The following RPN1 variants were observed in gnomAD, a reference collection of about 807,000 sequenced individuals.
RPN1 encodes ribophorin I.
A neutral mutation model predicts 55.5 loss-of-function variants in RPN1; 12 were observed. That is an observed-to-expected ratio of 0.22 (90% CI 0.14 to 0.35). RPN1 has a LOEUF of 0.35. Ranked by LOEUF, RPN1 falls within the 10% of genes least tolerant of loss-of-function variation. The probability of loss-of-function intolerance (pLI) is 1.00; values close to 1 mark genes in which losing one functional copy is unlikely to be tolerated. For synonymous variants in RPN1, 317 were observed against 305.9 expected, an observed-to-expected ratio of 1.04 and a Z score of -0.38; for missense variants, 679 against 761.3, an observed-to-expected ratio of 0.89 and a Z score of 1.27.
At chr3:128,646,230 A>G (rs2069767065) in intron 1 of RPN1, among the ~76,000 whole-genome samples, 1 of 151,646 alleles carries the variant, frequency 6.6e-6, no homozygotes, top group Non-Finnish European at 1.5e-5. Context: ...CTCAAAAAAA[A>G]AAAAAAAAAA....
At chr3:128,624,741 A>C (rs2069586767) in intron 8 of RPN1, among the ~76,000 whole-genome samples, 1 of 150,742 alleles carries the variant, frequency 6.6e-6, no homozygotes, top group African/African-American at 2.4e-5. Flanking sequence ...CAGGAGGCTG[A>C]GGCAGAATCG....
At chr3:128,644,678 G>C in intron 2 of RPN1, 1 of 640,242 alleles carries the variant, frequency 1.6e-6, no homozygotes, top group Non-Finnish European at 2.9e-6. Context: ...AATCCTCTAG[G>C]ACAGATGCAG....
intron 3 of RPN1, 84 bp downstream of exon 3, chr3:128,637,715 C>G: frequency 7.1e-7 from 1 of 1,417,660 alleles, no homozygotes; most frequent in Non-Finnish European, 9.7e-7. Flanking sequence ...CCACCCCACA[C>G]CACCCAAGCC....
chr3:128,650,781 C>T lies in RPN1; in HGVS notation c.20G>A (p.Gly7Asp). The T allele has an allele frequency of 6.5e-7, 1 of 1,537,418 alleles. No homozygotes were observed. Among genetic ancestry groups the T allele is most frequent in the Non-Finnish European group, 8.8e-7 (1 of 1,139,378 alleles). The change falls in exon 1 of 10, where the codon GGC becomes GAC. Residue 7 changes from glycine to aspartate, a missense_variant. Physicochemically the swap from Gly to Asp is moderately conservative, Grantham distance 94 (BLOSUM62 -1). Coordinates refer to ENST00000296255, the MANE Select transcript of RPN1 (RefSeq NM_002950.4). ...CCCAAGCAACAGGAGCAGAAACAAG[C>T]CGGCGGCTGGCGCCTCCATGACCGG... MEAPAA[G>D]LFLLLLLGTW...
intron 4 of RPN1, among the ~76,000 whole-genome samples, chr3:128,630,928 A>G (rs1247212553): frequency 6.6e-6 from 1 of 150,580 alleles, no homozygotes; most frequent in Non-Finnish European, 1.5e-5. Flanking sequence ...CCTGGCTAAC[A>G]TGGTGAAACC....
At chr3:128,639,879 G>C (rs1185550959) in intron 2 of RPN1, among the ~76,000 whole-genome samples, 1 of 152,152 alleles carries the variant, frequency 6.6e-6, no homozygotes, top group South Asian at 2.1e-4. Flanking sequence ...GAGCCACTGC[G>C]CCAGGCCCTA....
chr3:128,635,145 C>T (rs566706505), intron 3 of RPN1, among the ~76,000 whole-genome samples: 1 of 152,144 alleles, frequency 6.6e-6, no homozygotes, highest in Non-Finnish European at 1.5e-5. Context: ...CAACAATATA[C>T]ATAGGGAGCT....
chr3:128,628,091 C>G (rs2069613505), intron 5 of RPN1, among the ~76,000 whole-genome samples: 1 of 140,694 alleles, frequency 7.1e-6, no homozygotes, highest in Non-Finnish European at 1.6e-5. Context: ...AACCCCATCT[C>G]TACTAAAAAT....
At chr3:128,639,507 T>C (rs2069709219) in intron 2 of RPN1, among the ~76,000 whole-genome samples, 1 of 150,406 alleles carries the variant, frequency 6.6e-6, no homozygotes, top group African/African-American at 2.4e-5. Flanking sequence ...TTTCAAGGAA[T>C]GTTCAACAAA....
chr3:128,635,616 T>TAGATAGATAGATAG (rs1559755764), intron 3 of RPN1, among the ~76,000 whole-genome samples: 9 of 5,860 alleles, frequency 1.5e-3, no homozygotes, highest in African/African-American at 5.8e-3. Context: ...ACTTGAGATA[T>TAGATAGATAGATAG]ATATATATAT....
At chr3:128,646,624 T>C (rs2069770676) in intron 1 of RPN1, among the ~76,000 whole-genome samples, 1 of 151,434 alleles carries the variant, frequency 6.6e-6, no homozygotes, top group African/African-American at 2.4e-5. Context: ...AGGTGGAGGC[T>C]GCAGTGAGCC....
At chr3:128,631,848 A>G (rs2069644397) in intron 4 of RPN1, 100 bp downstream of exon 4, 2 of 1,326,224 alleles carry the variant, frequency 1.5e-6, no homozygotes, top group East Asian at 4.6e-5. Context: ...AGTCAACCCT[A>G]AACAACTGCC....
In RPN1 at chr3:128,630,097, A is replaced by G. The variant is rs1228032632; in HGVS notation, c.890T>C (p.Ile297Thr). ...GAGGTGGCTGGTAGAAACATTGCCA[A>G]TCTCATCCCGGTAATAAACATCCTG... ...AAQDVYYRDE[I>T]GNVSTSHLLI... Residue 297 changes from isoleucine (I) to threonine (T), a missense_variant, in exon 5 of 10, where the codon ATT (isoleucine) becomes ACT (threonine). By Grantham distance (89) the Ile-to-Thr change is moderately conservative. Transcript: ENST00000296255. 22 of 1,613,680 alleles carry G rather than the reference A, an allele frequency of 1.4e-5. No homozygotes were observed. The highest frequency in any genetic ancestry group is 2.2e-5 in the South Asian group (2 of 91,052).
chr3:128,622,537 G>C, intron 8 of RPN1, 128 bp from the exon 9 acceptor site: 2 of 1,188,552 alleles, frequency 1.7e-6, no homozygotes, highest in South Asian at 1.4e-5. Flanking sequence ...GAAAGTCAAA[G>C]TCAAACCCCT....
intron 8 of RPN1, among the ~76,000 whole-genome samples, chr3:128,624,004 C>T (rs555116254): frequency 3.3e-4 from 50 of 151,778 alleles, no homozygotes; most frequent in Admixed American, 2.8e-3. Flanking sequence ...CACACACACA[C>T]GCACACACAC....
intron 8 of RPN1, among the ~76,000 whole-genome samples, chr3:128,623,748 T>C (rs1328829735): frequency 6.6e-6 from 1 of 152,052 alleles, no homozygotes; most frequent in Non-Finnish European, 1.5e-5. Context: ...ATTAACTAAC[T>C]AATGGACAAT....
intron 3 of RPN1, among the ~76,000 whole-genome samples, chr3:128,635,833 C>T (rs1459336645): frequency 1.3e-5 from 2 of 149,750 alleles, no homozygotes; most frequent in Non-Finnish European, 3.0e-5. Context: ...TATATATATG[C>T]ACCTGGCCTT....
At chr3:128,627,082 CAG>C (rs1387956346) in intron 5 of RPN1, 3 of 467,934 alleles carry the variant, frequency 6.4e-6, no homozygotes, top group African/African-American at 5.9e-5. Flanking sequence ...AAGGAGAACG[CAG>C]AGAGAAGAAA....
intron 1 of RPN1, among the ~76,000 whole-genome samples, chr3:128,649,493 T>C (rs1032432279): frequency 1.3e-5 from 2 of 152,076 alleles, no homozygotes; most frequent in Admixed American, 6.6e-5. Flanking sequence ...AAAATAGGAG[T>C]CATTTCAGAA....
Sources: gnomAD v4.1 joint callset for allele counts (sites outside exome capture counted in the v4.1 genomes callset) on GRCh38, gnomAD v4.1.1 for gene constraint, MANE v1.5 for transcripts, NCBI Gene and HGNC (gene_info 2026-07-23, HGNC 2026-07-21) for gene names.